ZP3: variants seen among roughly 807,000 people sequenced by gnomAD.
The protein encoded by ZP3 is zona pellucida glycoprotein 3, also known as zona pellucida sperm-binding protein 3.
In ZP3, 21 loss-of-function variants were observed where a neutral mutation model predicts 35.6. The observed-to-expected ratio is 0.59, with a 90% CI of 0.42 to 0.85. ZP3 has a LOEUF of 0.85. Ranked by LOEUF, ZP3 falls within the 40% of genes least tolerant of loss-of-function variation. ZP3 has a pLI of 0.00. For missense variants in ZP3, 437 were observed against 536.5 expected, an observed-to-expected ratio of 0.81 and a Z score of 1.83; for synonymous variants, 207 against 214.5, an observed-to-expected ratio of 0.96 and a Z score of 0.31.
At chr7:76,411,974 C>G (rs1310285350) in intron 1 of ZP3, among the ~76,000 whole-genome samples, 2 of 152,092 alleles carry the variant, frequency 1.3e-5, no homozygotes, top group Non-Finnish European at 1.5e-5. Flanking sequence ...AGGAGGATCA[C>G]TTGAGCCCAG....
chr7:76,417,918 A>T (rs1361859081), intron 1 of ZP3, among the ~76,000 whole-genome samples: 1 of 149,900 alleles, frequency 6.7e-6, no homozygotes. Flanking sequence ...CTGGCCTTTA[A>T]TAGTGCTTTC....
At chr7:76,421,569 A>T (rs1282705830), upstream of ZP3, among the ~76,000 whole-genome samples, 3 of 151,934 alleles carry the variant, frequency 2.0e-5, no homozygotes, top group South Asian at 2.1e-4. Context: ...TTAATTTTTT[A>T]AAATTATATA....
In ZP3 at chr7:76,412,965, C is replaced by CTTT. The variant is rs1160174272; in HGVS notation, c.-66-12074_-66-12072dup. Among the ~76,000 whole-genome samples, 17 of 102,552 alleles carry CTTT rather than the reference C, an allele frequency of 1.7e-4. No homozygotes were observed. The East Asian group carries it at 2.1e-3, about 13-fold the overall frequency. 67.3% of individuals were successfully genotyped at this position (102,552 alleles called of 152,430 possible). A position where few individuals can be genotyped will look rare whatever the true frequency, so the allele number is the denominator to read the frequency against. On this transcript the variant is annotated intron_variant, in intron 1 of 8. Coordinates refer to the ZP3 transcript ENST00000336517. Reference sequence around the variant, plus strand: ...TCTTCTTTGTCTTCTTCTTCTTCTTCTTTTTTTTTTTTTTTGAGACGGAGT... The same window carrying CTTT: ...TCTTCTTTGTCTTCTTCTTCTTCTTCTTTTTTTTTTTTTTTTTTGAGACGGAGT...
intron 1 of ZP3, chr7:76,400,900 C>T: frequency 7.0e-7 from 1 of 1,436,956 alleles, no homozygotes; most frequent in East Asian, 2.5e-5. Context: ...ATGGGGGCAT[C>T]TAGAGTCAAG....
intron 1 of ZP3, among the ~76,000 whole-genome samples, chr7:76,407,363 G>A (rs570747668): frequency 3.2e-4 from 47 of 147,856 alleles, no homozygotes; most frequent in African/African-American, 1.1e-3. Context: ...ACAGAGTCTC[G>A]CCTTGTCGCC....
chr7:76,417,149 C>A (rs1357686331), intron 1 of ZP3, among the ~76,000 whole-genome samples: 1 of 151,776 alleles, frequency 6.6e-6, no homozygotes, highest in African/African-American at 2.4e-5. Context: ...CCTCCGCCTC[C>A]CAGGTTCACG....
chr7:76,401,645 G>A (rs1279558281), intron 1 of ZP3, among the ~76,000 whole-genome samples: 1 of 152,150 alleles, frequency 6.6e-6, no homozygotes, highest in Non-Finnish European at 1.5e-5. Flanking sequence ...TTGAACTCCT[G>A]ACCTCAGGTA....
At chr7:76,433,686 A>G (rs745397167) in intron 4 of ZP3, 39 bp downstream of exon 4, 2 of 1,559,450 alleles carry the variant, frequency 1.3e-6, no homozygotes, top group East Asian at 2.3e-5. Flanking sequence ...CCTTCCTAGC[A>G]AAATGACCCT....
chr7:76,405,502 G>C (rs1804997037), intron 1 of ZP3, among the ~76,000 whole-genome samples: 2 of 150,036 alleles, frequency 1.3e-5, no homozygotes, highest in Non-Finnish European at 3.0e-5. Context: ...TTTTTTATGA[G>C]TCGGGTATGG....
intron 1 of ZP3, among the ~76,000 whole-genome samples, chr7:76,414,079 C>T (rs113884551): frequency 0.041 from 6,148 of 151,036 alleles, 380 homozygotes; most frequent in African/African-American, 0.14. Context: ...TCGCTGCAAC[C>T]TCCACCTCCT....
chr7:76,398,309 A>ATTTTTTTTT (rs575917641), intron 1 of ZP3, among the ~76,000 whole-genome samples: 1 of 127,212 alleles, frequency 7.9e-6, no homozygotes, highest in Non-Finnish European at 1.7e-5. Flanking sequence ...TTCATTTTCT[A>ATTTTTTTTT]TTTTTTTTTT....
chr7:76,413,186 C>T (rs1197584080), intron 1 of ZP3, among the ~76,000 whole-genome samples: 1 of 151,754 alleles, frequency 6.6e-6, no homozygotes, highest in Non-Finnish European at 1.5e-5. Context: ...TGGTCTTGAA[C>T]TCCTGACCTC....
chr7:76,433,279 C>T (rs902006340), intron 3 of ZP3, among the ~76,000 whole-genome samples, 191 bp from the exon 4 acceptor site: 24 of 152,038 alleles, frequency 1.6e-4, no homozygotes, highest in Non-Finnish European at 2.4e-4. Context: ...CTCAGCCTCC[C>T]GAGTAACTGG....
At chr7:76,440,375 A>C (rs187319738) in intron 6 of ZP3, 34 bp downstream of exon 6, 5,747 of 1,610,938 alleles carry the variant, frequency 3.6e-3, no homozygotes, top group African/African-American at 0.034. Context: ...ACTGGAGTAG[A>C]AACTGAATCG....
At chr7:76,428,260 G>A (rs990812315) in intron 1 of ZP3, among the ~76,000 whole-genome samples, 2 of 152,026 alleles carry the variant, frequency 1.3e-5, no homozygotes, top group Admixed American at 1.3e-4. Context: ...GGCGGAGGTT[G>A]CAGTGAGCCG....
At chr7:76,426,181 G>C (rs1295579002) in intron 1 of ZP3, among the ~76,000 whole-genome samples, 1 of 152,082 alleles carries the variant, frequency 6.6e-6, no homozygotes, top group African/African-American at 2.4e-5. Context: ...GGTCCCTGGG[G>C]GCAGCTCCAA....
upstream of ZP3, among the ~76,000 whole-genome samples, chr7:76,423,023 G>GAA (rs56101537): frequency 0.035 from 3,448 of 98,034 alleles, 85 homozygotes; most frequent in South Asian, 0.054. Flanking sequence ...GAGAGAGAGA[G>GAA]AGAGAAAGAA....
chr7:76,405,454 T>C (rs1466775004), intron 1 of ZP3, among the ~76,000 whole-genome samples: 1 of 144,960 alleles, frequency 6.9e-6, no homozygotes, highest in African/African-American at 2.5e-5. Flanking sequence ...AGTGCTGAAA[T>C]TACAGGCGTG....
At chr7:76,427,891 G>T (rs927935148) in intron 1 of ZP3, among the ~76,000 whole-genome samples, 1 of 152,124 alleles carries the variant, frequency 6.6e-6, no homozygotes, top group Non-Finnish European at 1.5e-5. Flanking sequence ...TATTGCCCAG[G>T]CTGGTCGTGA....
Sources: allele counts gnomAD v4.1 joint callset (sites outside exome capture counted in the v4.1 genomes callset), GRCh38; gene constraint gnomAD v4.1.1; transcripts MANE v1.5; gene names NCBI Gene and HGNC (gene_info 2026-07-23, HGNC 2026-07-21).